ZNF426: variants seen among roughly 807,000 people sequenced by gnomAD.
ZNF426 encodes the protein CTC-543D15.7.
Under a neutral mutation model 24.0 loss-of-function variants are expected in ZNF426, and 23 were observed. That is an observed-to-expected ratio of 0.96 (90% CI 0.69 to 1.36). ZNF426 has a LOEUF of 1.36. Among genes scored for constraint, ZNF426 ranks in the 40% most tolerant of loss-of-function variants. ZNF426 has a pLI of 0.00. For synonymous variants in ZNF426, 272 were observed against 224.6 expected, an observed-to-expected ratio of 1.21 and a Z score of -1.89; for missense variants, 646 against 658.4, an observed-to-expected ratio of 0.98 and a Z score of 0.21.
chr19:9,537,137 AAAT>A (rs1027684009), intron 2 of ZNF426, among the ~76,000 whole-genome samples: 1,745 of 150,154 alleles, frequency 0.012, 41 homozygotes, highest in African/African-American at 0.042. Flanking sequence ...CTCAAAAAAA[AAAT>A]AATAATAATA....
rs2144777828 is a variant in ZNF426, at chr19:9,535,298, A to C, written c.26-19T>G. The C allele has an allele frequency of 1.3e-6, 2 of 1,597,048 alleles. No homozygotes were observed. Among genetic ancestry groups the C allele is most frequent in the East Asian group, 2.2e-5 (1 of 44,682 alleles). ...TAATGTCCTGTAAGAAAATGAAGGC[A>C]AGAGAACCCCGAGCTGACCATAATC... On this transcript the variant is annotated intron_variant, in intron 3 of 7. Transcript: ENST00000253115.
intron 2 of ZNF426, among the ~76,000 whole-genome samples, chr19:9,536,873 G>A (rs62105682): frequency 1.5e-4 from 23 of 152,030 alleles, no homozygotes; most frequent in African/African-American, 4.8e-4. Flanking sequence ...GGTGGCTCAC[G>A]CCTGTAATCC....
Position 9,533,040 on chromosome 19 carries a change from A to G in ZNF426, c.245-115T>C, listed in dbSNP as rs950570487. The stretch of plus-strand genomic sequence containing the variant: ...TGGTGAAGCTATTTCAAAAGGGCGA[A>G]AAATGCAAATAACAACTCTGACTGT... On this transcript the variant is annotated intron_variant, in intron 5 of 7. Coordinates refer to ENST00000253115, the MANE Select transcript of ZNF426 (RefSeq NM_024106.3). The G allele has an allele frequency of 4.6e-6, 4 of 862,318 alleles. No homozygotes were observed. The African/African-American group carries it at 5.1e-5, about 11-fold the overall frequency. 53.4% of individuals were successfully genotyped at this position (862,318 alleles called of 1,614,324 possible). A position where few individuals can be genotyped will look rare whatever the true frequency, so the allele number is the denominator to read the frequency against.
At chr19:9,535,077 CAAAAAAAA>C in intron 4 of ZNF426, 103 bp downstream of exon 4, 3 of 413,952 alleles carry the variant, frequency 7.2e-6, no homozygotes, top group East Asian at 5.6e-5. Context: ...GACTCCCTCT[CAAAAAAAA>C]AAAAAAAAAA....
chr19:9,537,492 G>T (rs1041601175), intron 2 of ZNF426, among the ~76,000 whole-genome samples: 1 of 133,476 alleles, frequency 7.5e-6, no homozygotes, highest in East Asian at 2.2e-4. Context: ...GTCTTGCTAT[G>T]TTGCCCAGGC....
Position 9,528,780 on chromosome 19 carries a change from C to T in ZNF426, c.1265G>A (p.Cys422Tyr). ...CCCAAATACTTTCCCACATATCTTA[C>T]ACTCACAGGCCTTCTCTTCAGTGTG... The part of the protein sequence containing the change: ...RTHTEEKACE[C>Y]KICGKVFGYP... The change falls in exon 8 of 8, where the codon TGT becomes TAT. Residue 422 changes from cysteine (C) to tyrosine (Y), a missense_variant. Coordinates refer to ENST00000253115, the MANE Select transcript of ZNF426 (RefSeq NM_024106.3). 1 of 1,614,170 alleles carries T rather than the reference C, an allele frequency of 6.2e-7. No homozygotes were observed. The highest frequency in any genetic ancestry group is 1.1e-5 in the South Asian group (1 of 91,086).
intron 7 of ZNF426, 43 bp from the exon 8 acceptor site, chr19:9,529,679 T>G: frequency 6.5e-7 from 1 of 1,535,704 alleles, no homozygotes; most frequent in Non-Finnish European, 8.7e-7. Flanking sequence ...TTCTCAAACA[T>G]ATTAACAGAA....
chr19:9,535,133 T>C, intron 4 of ZNF426, 55 bp downstream of exon 4: 1 of 1,375,712 alleles, frequency 7.3e-7, no homozygotes, highest in Non-Finnish European at 1.0e-6. Context: ...GGGAAATGTG[T>C]CTACCTGGTG....
Position 9,533,953 on chromosome 19 carries a change from A to G in ZNF426, c.131T>C (p.Phe44Ser). The change falls in exon 5 of 8, where the codon TTT becomes TCT. Residue 44 changes from phenylalanine (F) to serine (S), a missense_variant. Physicochemically the swap from Phe to Ser is radical, Grantham distance 155 (BLOSUM62 -2). Coordinates refer to ENST00000253115, the MANE Select transcript of ZNF426 (RefSeq NM_024106.3). The part of the protein sequence containing the change: ...LTDCYQDSVT[F>S]DDVAVDFTQE... ...GGTGAAGTCCACAGCCACATCGTCA[A>G]AGGTCACTGAATCCTAAAGCATCAC... The G allele has an allele frequency of 6.2e-7, 1 of 1,613,584 alleles. No individual in the cohort carries two copies. The highest frequency in any genetic ancestry group is 8.5e-7 in the Non-Finnish European group (1 of 1,179,796).
rs2073789071 is a variant in ZNF426 at position 9,526,073 on chromosome 19, G to A, written c.*2307C>T. 1 of 151,968 alleles carries A rather than the reference G, an allele frequency of 6.6e-6. No homozygotes were observed. Among genetic ancestry groups the A allele is most frequent in the Non-Finnish European group, 1.5e-5 (1 of 68,030 alleles). The allele number at this position is 151,968 out of a possible 1,614,324, so 9.4% of individuals were successfully genotyped here. On this transcript the variant is annotated 3_prime_UTR_variant, in exon 8 of 8. Transcript: ENST00000253115. ...ATACATCCTGACCCAACTAAAGGGT[G>A]GGAAAAACTGAAGTTCACAGTGCAG...
chr19:9,530,484 C>T (rs2073866661), intron 7 of ZNF426, among the ~76,000 whole-genome samples: 1 of 149,998 alleles, frequency 6.7e-6, no homozygotes, highest in Non-Finnish European at 1.5e-5. Flanking sequence ...TAGTCTAAGC[C>T]AGATGTGGTG....
At chr19:9,535,308 C>T (rs571309532) in intron 3 of ZNF426, 29 bp from the exon 4 acceptor site, 22 of 1,560,964 alleles carry the variant, frequency 1.4e-5, no homozygotes, top group Middle Eastern at 1.7e-4. Flanking sequence ...AAGAGAACCC[C>T]GAGCTGACCA....
intron 5 of ZNF426, among the ~76,000 whole-genome samples, chr19:9,533,170 G>C (rs951824220): frequency 6.6e-6 from 1 of 152,194 alleles, no homozygotes; most frequent in African/African-American, 2.4e-5. Context: ...TAATGGCCGA[G>C]TGTGGTGGCT....
chr19:9,536,158 T>C (rs762091417), intron 3 of ZNF426, 50 bp downstream of exon 3: 1 of 1,612,090 alleles, frequency 6.2e-7, no homozygotes, highest in Non-Finnish European at 8.5e-7. Context: ...CCCTATATTG[T>C]GTAAAGGGAA....
chr19:9,536,473 G>A, intron 2 of ZNF426, 117 bp from the exon 3 acceptor site: 2 of 971,542 alleles, frequency 2.1e-6, no homozygotes, highest in Non-Finnish European at 3.0e-6. Flanking sequence ...GGCCAGGGTG[G>A]GAGGACTGCT....
chr19:9,537,448 ACTC>A (rs2073983711), intron 2 of ZNF426, among the ~76,000 whole-genome samples: 1 of 116,038 alleles, frequency 8.6e-6, no homozygotes, highest in African/African-American at 3.0e-5. Flanking sequence ...AGAATATTTA[ACTC>A]TTTTTTTTTT....
intron 6 of ZNF426, among the ~76,000 whole-genome samples, chr19:9,531,682 G>A (rs540960586): frequency 2.6e-5 from 4 of 152,054 alleles, no homozygotes; most frequent in East Asian, 1.9e-4. Context: ...AAAAAAGAGC[G>A]TATATCTAAA....
At position 9,529,190 on chromosome 19, in the gene ZNF426, A is replaced by T; in HGVS notation, c.855T>A (p.Cys285Ter). ...AGGCTGGGTATCTATAGCCTTTTCCACATTCCTTACATTTGTAGGGCTTTT... is the reference window on the plus strand; with the variant it reads ...AGGCTGGGTATCTATAGCCTTTTCCTCATTCCTTACATTTGTAGGGCTTTT... ...NAKKPYKCKECGKGYRYPAYL... is the reference protein window; with the variant it reads ...NAKKPYKCKE Residue 285 changes from cysteine to a stop codon, truncating the protein, a stop_gained, in exon 8 of 8, where the codon TGT (cysteine) becomes TGA (stop). Transcript: ENST00000253115. LOFTEE classifies it low-confidence loss of function (END_TRUNC). 1.2e-6 allele frequency: 2 copies of T among 1,614,220 alleles called. No homozygotes were observed. Among genetic ancestry groups the T allele is most frequent in the Non-Finnish European group, 1.7e-6 (2 of 1,180,032 alleles).
intron 7 of ZNF426, among the ~76,000 whole-genome samples, chr19:9,530,586 AC>A (rs1204399094): frequency 6.6e-6 from 1 of 151,186 alleles, no homozygotes; most frequent in African/African-American, 2.4e-5. Flanking sequence ...ACACAGTAAG[AC>A]CCTGTCTCCA....
Sources: gnomAD v4.1 joint callset for allele counts (sites outside exome capture counted in the v4.1 genomes callset) on GRCh38, gnomAD v4.1.1 for gene constraint, MANE v1.5 for transcripts, NCBI Gene and HGNC (gene_info 2026-07-23, HGNC 2026-07-21) for gene names.